The following FSTL5 variants were observed in gnomAD, a reference collection of about 807,000 sequenced individuals.
The protein encoded by FSTL5 is follistatin like 5, also known as follistatin-related protein 5.
A neutral mutation model predicts 89.1 loss-of-function variants in FSTL5; 62 were observed. The ratio of observed to expected loss-of-function variants is 0.70; its 90% confidence interval spans 0.57 to 0.86. FSTL5 has a LOEUF of 0.86. Among genes scored for constraint, FSTL5 ranks in the 40% least tolerant of loss-of-function variants. The pLI is 0.00. For missense variants in FSTL5, 1,057 were observed against 1,001.6 expected (o/e 1.06, Z -0.75); for synonymous variants, 383 against 346.2 (o/e 1.11, Z -1.18).
intron 6 of FSTL5, among the ~76,000 whole-genome samples, chr4:161,661,586 A>G (rs1736714471): frequency 6.6e-6 from 1 of 152,162 alleles, no homozygotes; most frequent in African/African-American, 2.4e-5. Context: ...CTAACAAGGA[A>G]ATTCTGATGG....
intron 12 of FSTL5, among the ~76,000 whole-genome samples, chr4:161,488,713 C>T (rs986809658): frequency 3.3e-5 from 5 of 152,026 alleles, no homozygotes; most frequent in African/African-American, 7.2e-5. Flanking sequence ...ATAAAAGTTA[C>T]CACTTATTTT....
intron 3 of FSTL5, among the ~76,000 whole-genome samples, chr4:161,972,721 C>T (rs996608841): frequency 1.3e-5 from 2 of 152,158 alleles, no homozygotes; most frequent in African/African-American, 2.4e-5. Context: ...GCAAAGAGCC[C>T]AGTTAAACTT....
At chr4:161,544,568 C>G (rs1340588713) in intron 8 of FSTL5, among the ~76,000 whole-genome samples, 1 of 151,656 alleles carries the variant, frequency 6.6e-6, no homozygotes, top group Non-Finnish European at 1.5e-5. Flanking sequence ...GATGGTTACA[C>G]AACATTGTAA....
intron 6 of FSTL5, among the ~76,000 whole-genome samples, chr4:161,713,551 T>C (rs1184390304): frequency 1.3e-5 from 2 of 152,170 alleles, no homozygotes; most frequent in Non-Finnish European, 2.9e-5. Flanking sequence ...TTAACTGTTT[T>C]CAGCGTGCAA....
chr4:161,882,779 T>A (rs952694120), intron 4 of FSTL5, among the ~76,000 whole-genome samples: 1 of 152,130 alleles, frequency 6.6e-6, no homozygotes, highest in East Asian at 1.9e-4. Flanking sequence ...AATAATTATT[T>A]TACAGAACTC....
chr4:162,033,042 A>T (rs1737599216), intron 3 of FSTL5, among the ~76,000 whole-genome samples: 1 of 152,164 alleles, frequency 6.6e-6, no homozygotes, highest in Non-Finnish European at 1.5e-5. Flanking sequence ...AGCACAAGTT[A>T]ATGGAAGTCA....
At chr4:161,852,942 A>G (rs1413753211) in intron 4 of FSTL5, among the ~76,000 whole-genome samples, 3 of 152,140 alleles carry the variant, frequency 2.0e-5, no homozygotes, top group Admixed American at 6.5e-5. Context: ...GATGGCACAC[A>G]TTTACCTAAG....
Position 161,902,597 on chromosome 4 carries a change from C to T in FSTL5, c.409+17807G>A, listed in dbSNP as rs368088164. On this transcript the variant is annotated intron_variant, in intron 4 of 15. Coordinates refer to ENST00000306100, the MANE Select transcript of FSTL5 (RefSeq NM_020116.5). ...GCACGGTGGCTCACGCCTGTAATCCCAGCACTTTGGGAGGCCGAGGCGGGA... is the reference window on the plus strand; with the variant it reads ...GCACGGTGGCTCACGCCTGTAATCCTAGCACTTTGGGAGGCCGAGGCGGGA... 1.0e-3 allele frequency among the ~76,000 whole-genome samples: 157 copies of T among 152,142 alleles called. 2 individuals carry two copies. The East Asian group carries it at 0.026, about 25-fold the overall frequency.
chr4:161,687,456 T>G (rs1051024384), intron 6 of FSTL5, among the ~76,000 whole-genome samples: 1 of 152,258 alleles, frequency 6.6e-6, no homozygotes, highest in Admixed American at 6.5e-5. Context: ...TTTAAATTTA[T>G]TATGTTTTTT....
At chr4:161,425,706 G>A (rs1732144541) in intron 15 of FSTL5, among the ~76,000 whole-genome samples, 2 of 152,316 alleles carry the variant, frequency 1.3e-5, no homozygotes, top group African/African-American at 2.4e-5. Context: ...TTGCTTTGGA[G>A]CTGGAGTGAC....
chr4:161,883,536 T>C (rs1732702892), intron 4 of FSTL5, among the ~76,000 whole-genome samples: 1 of 152,140 alleles, frequency 6.6e-6, no homozygotes, highest in African/African-American at 2.4e-5. Flanking sequence ...TTCCAATAAG[T>C]AGGGAAAGCA....
chr4:162,124,788 C>T (rs1413824483), intron 1 of FSTL5, among the ~76,000 whole-genome samples: 1 of 152,146 alleles, frequency 6.6e-6, no homozygotes, highest in East Asian at 1.9e-4. Flanking sequence ...CAACCTCGGC[C>T]CTCCGGGTTC....
chr4:161,478,817 T>G (rs186796500), intron 13 of FSTL5, among the ~76,000 whole-genome samples: 1 of 151,906 alleles, frequency 6.6e-6, no homozygotes, highest in East Asian at 1.9e-4. Context: ...AAATACAGAA[T>G]CCACAATGAG....
At chr4:161,488,888 T>C (rs1729771633) in intron 12 of FSTL5, among the ~76,000 whole-genome samples, 1 of 152,126 alleles carries the variant, frequency 6.6e-6, no homozygotes, top group Non-Finnish European at 1.5e-5. Context: ...GATTATTGCA[T>C]ATAGGGCAAG....
At chr4:161,391,359 T>C (rs552219750) in intron 15 of FSTL5, among the ~76,000 whole-genome samples, 16 of 152,292 alleles carry the variant, frequency 1.1e-4, no homozygotes, top group African/African-American at 3.6e-4. Flanking sequence ...TCATGTTTTC[T>C]AACTGAAAGG....
chr4:162,102,717 A>G (rs956569605), intron 2 of FSTL5, among the ~76,000 whole-genome samples: 3 of 145,384 alleles, frequency 2.1e-5, no homozygotes, highest in Admixed American at 7.0e-5. Context: ...ATTTATATAT[A>G]TTTATTTATA....
At chr4:161,412,001 T>C (rs1479036030) in intron 15 of FSTL5, among the ~76,000 whole-genome samples, 1 of 152,172 alleles carries the variant, frequency 6.6e-6, no homozygotes, top group Non-Finnish European at 1.5e-5. Flanking sequence ...GGTTTCACCA[T>C]ACAAAATTAA....
intron 4 of FSTL5, among the ~76,000 whole-genome samples, chr4:161,804,309 C>T (rs941526729): frequency 6.6e-6 from 1 of 152,006 alleles, no homozygotes; most frequent in Non-Finnish European, 1.5e-5. Context: ...AATGTATTAA[C>T]AGATGCCAAG....
At chr4:162,130,190 C>G (rs1732241246) in intron 1 of FSTL5, among the ~76,000 whole-genome samples, 1 of 152,148 alleles carries the variant, frequency 6.6e-6, no homozygotes, top group Admixed American at 6.5e-5. Context: ...GAAAAACTCT[C>G]TTTTTGTTTT....
Sources: gnomAD v4.1 joint callset for allele counts (sites outside exome capture counted in the v4.1 genomes callset) on GRCh38, gnomAD v4.1.1 for gene constraint, MANE v1.5 for transcripts, NCBI Gene and HGNC (gene_info 2026-07-23, HGNC 2026-07-21) for gene names.